The following NRG1 variants were observed in gnomAD, a reference collection of about 807,000 sequenced individuals.
The protein encoded by NRG1 is neuregulin 1.
In NRG1, 18 loss-of-function variants were observed where a neutral mutation model predicts 63.8. The ratio of observed to expected loss-of-function variants is 0.28; its 90% CI spans 0.19 to 0.42. NRG1 has a LOEUF of 0.42. Ranked by LOEUF, NRG1 falls within the 10% of genes least tolerant of loss-of-function variation. The pLI is 1.00. For missense variants in NRG1, 762 were observed against 814.7 expected, an observed-to-expected ratio of 0.94 and a Z score of 0.79; for synonymous variants, 302 against 301.3, an observed-to-expected ratio of 1.00 and a Z score of -0.02.
chr8:32,308,016 T>G (rs1856413679), intron 1 of NRG1, among the ~76,000 whole-genome samples: 1 of 152,124 alleles, frequency 6.6e-6, no homozygotes, highest in Non-Finnish European at 1.5e-5. Context: ...GAGGCTACAT[T>G]TGTAATCTGT....
intron 5 of NRG1, among the ~76,000 whole-genome samples, chr8:32,670,099 T>C (rs923487174): frequency 6.6e-6 from 1 of 152,218 alleles, no homozygotes; most frequent in Non-Finnish European, 1.5e-5. Flanking sequence ...TAAAAAGTAC[T>C]TCTCTTGATT....
chr8:31,774,500 T>C (rs1818928032), intron 1 of NRG1, among the ~76,000 whole-genome samples: 1 of 152,164 alleles, frequency 6.6e-6, no homozygotes, highest in Non-Finnish European at 1.5e-5. Context: ...TTAATAGTCT[T>C]TGAATGGGTG....
At chr8:31,710,300 T>G (rs1028702202) in intron 1 of NRG1, among the ~76,000 whole-genome samples, 8 of 151,940 alleles carry the variant, frequency 5.3e-5, no homozygotes, top group African/African-American at 1.9e-4. Context: ...TCTGAAATTT[T>G]CTTTATAGCC....
chr8:32,751,736 C>T (rs1305230704), intron 7 of NRG1, among the ~76,000 whole-genome samples: 1 of 152,186 alleles, frequency 6.6e-6, no homozygotes, highest in Non-Finnish European at 1.5e-5. Flanking sequence ...TTGGCCTTTA[C>T]TGAGCTACCT....
At chr8:32,077,114 C>A (rs1179198225) in intron 1 of NRG1, among the ~76,000 whole-genome samples, 1 of 152,200 alleles carries the variant, frequency 6.6e-6, no homozygotes, top group African/African-American at 2.4e-5. Flanking sequence ...CGCCTGTAAT[C>A]CCAGCACTTT....
At chr8:32,038,591 A>T (rs1033022438) in intron 1 of NRG1, among the ~76,000 whole-genome samples, 8 of 152,114 alleles carry the variant, frequency 5.3e-5, no homozygotes, top group Non-Finnish European at 1.2e-4. Context: ...GGAAGTATTT[A>T]AAAAGTGTTT....
intron 2 of NRG1, among the ~76,000 whole-genome samples, chr8:32,596,465 G>A (rs529604993): frequency 2.2e-4 from 33 of 152,094 alleles, no homozygotes; most frequent in African/African-American, 8.0e-4. Context: ...GTAGCTGGGA[G>A]TGGTGGGCGC....
rs117438718 is a variant in NRG1, at chr8:32,230,501, G to A, written c.38-365327G>A. 2.3e-3 allele frequency among the ~76,000 whole-genome samples: 346 copies of A among 152,162 alleles called. 2 individuals carry two copies. The highest frequency in any genetic ancestry group is 6.8e-3 in the Middle Eastern group (2 of 294). On this transcript the variant is annotated intron_variant, in intron 1 of 10. Transcript: ENST00000519301. ...ATGGCAAGGAAGAAATTGGAGAGTA[G>A]GAAACTCAGGGAAGTTAATCCTGAG... is the stretch of plus-strand genomic sequence containing the variant.
intron 1 of NRG1, among the ~76,000 whole-genome samples, chr8:32,266,274 C>T (rs1032701748): frequency 2.1e-4 from 32 of 152,152 alleles, no homozygotes; most frequent in Admixed American, 2.0e-3. Flanking sequence ...GAAGATTAAT[C>T]CCACCAGTGA....
intron 1 of NRG1, among the ~76,000 whole-genome samples, chr8:32,236,119 T>TGTG (rs1052066935): frequency 1.3e-5 from 2 of 151,708 alleles, no homozygotes; most frequent in Admixed American, 6.6e-5. Flanking sequence ...TTTTTTGTTT[T>TGTG]TGTGTGTGTA....
chr8:32,048,597 G>C (rs1240250861), intron 1 of NRG1, among the ~76,000 whole-genome samples: 1 of 151,276 alleles, frequency 6.6e-6, no homozygotes. Context: ...CAATGCACAA[G>C]AGTCCCCTTT....
At chr8:31,774,521 G>A (rs985228481) in intron 1 of NRG1, among the ~76,000 whole-genome samples, 5 of 152,168 alleles carry the variant, frequency 3.3e-5, no homozygotes, top group Non-Finnish European at 7.3e-5. Context: ...AAAGAGAATA[G>A]AGGTATCTGG....
At chr8:32,140,584 A>G (rs761143954) in intron 1 of NRG1, among the ~76,000 whole-genome samples, 9 of 151,484 alleles carry the variant, frequency 5.9e-5, no homozygotes, top group Non-Finnish European at 1.2e-4. Flanking sequence ...TCCTCAGCCT[A>G]CTGAGTAGCT....
At chr8:32,020,820 T>C (rs1337706395) in intron 1 of NRG1, among the ~76,000 whole-genome samples, 1 of 152,228 alleles carries the variant, frequency 6.6e-6, no homozygotes, top group Non-Finnish European at 1.5e-5. Context: ...TGAACTGTTA[T>C]AATGCTTTAG....
chr8:32,635,163 A>G (rs549276843), intron 5 of NRG1, among the ~76,000 whole-genome samples: 4 of 152,344 alleles, frequency 2.6e-5, no homozygotes, highest in South Asian at 4.1e-4. Flanking sequence ...ACTTTAGAAG[A>G]AAAGGAAAAC....
intron 1 of NRG1, among the ~76,000 whole-genome samples, chr8:32,007,705 T>C (rs112750703): frequency 0.025 from 3,846 of 152,120 alleles, 172 homozygotes; most frequent in African/African-American, 0.088. Flanking sequence ...TTCTATAGGG[T>C]TTGCCCTCAG....
chr8:32,354,438 T>C (rs1294790318), intron 1 of NRG1, among the ~76,000 whole-genome samples: 2 of 152,126 alleles, frequency 1.3e-5, no homozygotes, highest in African/African-American at 2.4e-5. Flanking sequence ...AACTAATCTA[T>C]ATAAAAATTT....
rs142853316 is a variant in NRG1, at chr8:31,960,738, C to T, written c.37+321307C>T. Among the ~76,000 whole-genome samples the T allele has an allele frequency of 6.4e-4, 98 of 152,350 alleles. No homozygotes were observed. In the East Asian group the frequency reaches 0.018, roughly 28 times the overall value. On this transcript the variant is annotated intron_variant, in intron 1 of 10. Coordinates refer to the NRG1 transcript ENST00000519301. ...ATTGAAACCTTTCCAGTAAGGGGCTCAGCCCCAGACACCTGGGACTCCTCT... is the reference window on the plus strand; with the variant it reads ...ATTGAAACCTTTCCAGTAAGGGGCTTAGCCCCAGACACCTGGGACTCCTCT...
intron 1 of NRG1, among the ~76,000 whole-genome samples, chr8:32,302,305 T>C (rs1855663447): frequency 6.6e-6 from 1 of 152,174 alleles, no homozygotes. Context: ...CGATCTTCAG[T>C]GAGGCATTTG....
Sources: gnomAD v4.1 joint callset for allele counts (sites outside exome capture counted in the v4.1 genomes callset) on GRCh38, gnomAD v4.1.1 for gene constraint, MANE v1.5 for transcripts, NCBI Gene and HGNC (gene_info 2026-07-23, HGNC 2026-07-21) for gene names.